Variants in C8orf34 observed in about 807,000 individuals in gnomAD.
The protein encoded by C8orf34 is uncharacterized protein C8orf34.
In C8orf34, 65 loss-of-function variants were observed where a neutral mutation model predicts 68.3. That is an observed-to-expected ratio of 0.95 (90% CI 0.78 to 1.17). The LOEUF is 1.17. Ranked by LOEUF, C8orf34 falls within the 50% of genes most tolerant of loss-of-function variation. The pLI, the probability that C8orf34 is intolerant of heterozygous loss-of-function variation, is 0.00. For missense variants in C8orf34, 664 were observed against 655.4 expected (o/e 1.01, Z -0.14); for synonymous variants, 244 against 241.2 (o/e 1.01, Z -0.11).
chr8:68,589,617 GAAGAAGA>G (rs1817317330), intron 7 of C8orf34, among the ~76,000 whole-genome samples: 1 of 27,596 alleles, frequency 3.6e-5, no homozygotes, highest in Non-Finnish European at 8.1e-5. Flanking sequence ...AAGAAGGAGA[GAAGAAGA>G]AAGAAGGAGG....
intron 8 of C8orf34, among the ~76,000 whole-genome samples, chr8:68,692,475 A>C (rs55851115): frequency 0.074 from 11,184 of 152,144 alleles, 598 homozygotes; most frequent in African/African-American, 0.15. Context: ...CCAGGGAATG[A>C]GTAGTTCACA....
At chr8:68,590,547 A>G (rs1267765669) in intron 7 of C8orf34, among the ~76,000 whole-genome samples, 1 of 152,160 alleles carries the variant, frequency 6.6e-6, no homozygotes, top group Admixed American at 6.5e-5. Flanking sequence ...GAGAGTGGGT[A>G]GACGAAAGAG....
chr8:68,381,541 G>A (rs1808032622), intron 1 of C8orf34, among the ~76,000 whole-genome samples: 1 of 150,556 alleles, frequency 6.6e-6, no homozygotes, highest in East Asian at 2.0e-4. Context: ...GACCATCCTG[G>A]CTAACAAGGT....
chr8:68,774,329 G>GTATA (rs1237765866), intron 10 of C8orf34, among the ~76,000 whole-genome samples: 4 of 126,888 alleles, frequency 3.2e-5, no homozygotes, highest in African/African-American at 1.0e-4. Flanking sequence ...ATGGGTGTGT[G>GTATA]TGTATATATA....
chr8:68,618,564 G>A (rs911448665), intron 7 of C8orf34, among the ~76,000 whole-genome samples: 4 of 150,676 alleles, frequency 2.7e-5, no homozygotes, highest in Non-Finnish European at 5.9e-5. Flanking sequence ...TGCTCAGGTG[G>A]TCTGAAACTC....
intron 8 of C8orf34, among the ~76,000 whole-genome samples, chr8:68,698,956 G>A (rs1249036377): frequency 6.6e-6 from 1 of 151,976 alleles, no homozygotes; most frequent in African/African-American, 2.4e-5. Flanking sequence ...AGGATGGATG[G>A]GAAGGGAAAG....
chr8:68,566,540 C>T (rs537002898), intron 7 of C8orf34, among the ~76,000 whole-genome samples: 77 of 152,322 alleles, frequency 5.1e-4, no homozygotes, highest in African/African-American at 1.8e-3. Flanking sequence ...ATGGAGATGG[C>T]TTCTTTCCTT....
intron 1 of C8orf34, among the ~76,000 whole-genome samples, chr8:68,346,891 A>G (rs1806307504): frequency 6.6e-6 from 1 of 152,082 alleles, no homozygotes; most frequent in Non-Finnish European, 1.5e-5. Flanking sequence ...GCAGTTATAA[A>G]TAAAGCTGCT....
At chr8:68,395,805 A>C (rs1195284589) in intron 1 of C8orf34, among the ~76,000 whole-genome samples, 1 of 152,098 alleles carries the variant, frequency 6.6e-6, no homozygotes, top group Non-Finnish European at 1.5e-5. Flanking sequence ...AATCAACTTC[A>C]AGTGTCTATG....
intron 1 of C8orf34, among the ~76,000 whole-genome samples, chr8:68,395,396 CAA>C (rs1168138092): frequency 4.8e-5 from 7 of 145,922 alleles, no homozygotes; most frequent in African/African-American, 1.8e-4. Context: ...CACACACACA[CAA>C]ACACACACAC....
chr8:68,545,232 T>C (rs936989158), intron 7 of C8orf34, among the ~76,000 whole-genome samples: 1 of 152,134 alleles, frequency 6.6e-6, no homozygotes, highest in African/African-American at 2.4e-5. Flanking sequence ...GAGAGCTGAT[T>C]ATTTTATAAG....
intron 1 of C8orf34, among the ~76,000 whole-genome samples, chr8:68,390,017 T>A (rs1306214830): frequency 6.6e-6 from 1 of 152,162 alleles, no homozygotes. Context: ...ACCACCACCA[T>A]CACTATTGGA....
intron 11 of C8orf34, 134 bp downstream of exon 11, chr8:68,776,583 C>A: frequency 1.6e-6 from 1 of 632,588 alleles, no homozygotes; most frequent in Non-Finnish European, 2.7e-6. Flanking sequence ...TCCACAAAAA[C>A]AGGATAATAA....
At chr8:68,554,874 T>C (rs1372578990) in intron 7 of C8orf34, among the ~76,000 whole-genome samples, 1 of 152,110 alleles carries the variant, frequency 6.6e-6, no homozygotes, top group African/African-American at 2.4e-5. Context: ...TATGTGCCAT[T>C]ATATTTTAGT....
At chr8:68,610,975 C>T (rs1818005810) in intron 7 of C8orf34, among the ~76,000 whole-genome samples, 1 of 151,444 alleles carries the variant, frequency 6.6e-6, no homozygotes, top group Admixed American at 6.6e-5. Context: ...AGCTATTCTC[C>T]TGCCTCAGCC....
intron 3 of C8orf34, chr8:68,447,922 A>G (rs1811189477): frequency 6.6e-6 from 1 of 152,218 alleles, no homozygotes; most frequent in South Asian, 2.1e-4. Flanking sequence ...CTTTTTTACA[A>G]CAGTATAGCC....
chr8:68,501,988 C>G (rs1272987705), intron 5 of C8orf34, among the ~76,000 whole-genome samples: 3 of 152,156 alleles, frequency 2.0e-5, no homozygotes, highest in Admixed American at 1.3e-4. Context: ...AGTTTATCCA[C>G]TTATTACCAA....
intron 10 of C8orf34, among the ~76,000 whole-genome samples, chr8:68,754,133 G>A (rs1433976272): frequency 1.3e-5 from 2 of 152,084 alleles, no homozygotes; most frequent in African/African-American, 4.8e-5. Context: ...AGGGCCGGGA[G>A]CAATTTAGTT....
chr8:68,457,480 A>G (rs1371137741), intron 3 of C8orf34, among the ~76,000 whole-genome samples: 1 of 152,176 alleles, frequency 6.6e-6, no homozygotes, highest in Admixed American at 6.5e-5. Flanking sequence ...TTTAGAAAAC[A>G]GGGTTGAAAG....
Sources: allele counts gnomAD v4.1 joint callset (sites outside exome capture counted in the v4.1 genomes callset), GRCh38; gene constraint gnomAD v4.1.1; transcripts MANE v1.5; gene names NCBI Gene and HGNC (gene_info 2026-07-23, HGNC 2026-07-21).